Variants in NOX4 observed in about 807,000 individuals in gnomAD.
NOX4 encodes NADPH oxidase 4, also known as kidney oxidase-1.
NOX4 carries 69 observed loss-of-function variants against 87.6 expected under a neutral mutation model. The observed-to-expected ratio is 0.79, with a 90% CI of 0.65 to 0.96. The LOEUF is 0.96. Ranked by LOEUF, NOX4 falls within the 40% of genes least tolerant of loss-of-function variation. NOX4 has a pLI of 0.00. For missense variants in NOX4, 680 were observed against 681.5 expected (o/e 1.00, Z 0.02); for synonymous variants, 275 against 238.2 (o/e 1.15, Z -1.42).
At chr11:89,567,346 A>G in the NOX4 span, among the ~76,000 whole-genome samples, 2 of 152,150 alleles carry the variant, frequency 1.3e-5, no homozygotes, top group Non-Finnish European at 2.9e-5. Flanking sequence ...TTTGCCCCCA[A>G]GCACCTGCCT....
At chr11:89,334,345 T>C in intron 17 of NOX4, among the ~76,000 whole-genome samples, 1 of 151,734 alleles carries the variant, frequency 6.6e-6, no homozygotes, top group Middle Eastern at 3.2e-3. Context: ...TACAAAAAAG[T>C]TCTGCTTTGT....
chr11:89,476,207 C>A (rs889873465), intron 2 of NOX4, among the ~76,000 whole-genome samples: 2 of 152,044 alleles, frequency 1.3e-5, no homozygotes, highest in Admixed American at 1.3e-4. Flanking sequence ...TGCACCTATC[C>A]TTTTAATGTT....
the NOX4 span, among the ~76,000 whole-genome samples, chr11:89,509,324 T>C: frequency 6.6e-6 from 1 of 152,048 alleles, no homozygotes; most frequent in African/African-American, 2.4e-5. Context: ...TTGACTTCAT[T>C]GGAACAAAAG....
At chr11:89,441,090 C>T (rs993795165) in intron 5 of NOX4, among the ~76,000 whole-genome samples, 1 of 152,106 alleles carries the variant, frequency 6.6e-6, no homozygotes, top group African/African-American at 2.4e-5. Flanking sequence ...TCTACCAAAA[C>T]CGTGAAACTG....
chr11:89,382,521 AT>A (rs917809276), intron 11 of NOX4, among the ~76,000 whole-genome samples: 4 of 151,920 alleles, frequency 2.6e-5, no homozygotes, highest in Non-Finnish European at 5.9e-5. Context: ...AATGCGACTC[AT>A]CCCAAATCCT....
chr11:89,569,774 C>A, the NOX4 span, among the ~76,000 whole-genome samples: 5 of 151,884 alleles, frequency 3.3e-5, no homozygotes, highest in African/African-American at 9.7e-5. Context: ...GAGGCTGAGG[C>A]GGGCGGATCA....
At chr11:89,398,461 G>T (rs918166693) in intron 11 of NOX4, among the ~76,000 whole-genome samples, 1 of 151,810 alleles carries the variant, frequency 6.6e-6, no homozygotes, top group African/African-American at 2.4e-5. Context: ...TGGAAGTTCT[G>T]GCCAGGGCAA....
chr11:89,526,020 T>C, the NOX4 span, among the ~76,000 whole-genome samples: 2 of 152,146 alleles, frequency 1.3e-5, no homozygotes, highest in East Asian at 1.9e-4. Flanking sequence ...TAACCATATA[T>C]ACGTGAGTCT....
chr11:89,374,117 A>G (rs1236099810), intron 11 of NOX4, among the ~76,000 whole-genome samples: 1 of 152,136 alleles, frequency 6.6e-6, no homozygotes, highest in Admixed American at 6.6e-5. Flanking sequence ...AGGTAGTCAA[A>G]ATGAAAGAAC....
At chr11:89,491,755 CACACACACACAA>C (rs563071967), upstream of NOX4, among the ~76,000 whole-genome samples, 1,664 of 147,710 alleles carry the variant, frequency 0.011, 17 homozygotes, top group Non-Finnish European at 0.015. Context: ...CACACACACA[CACACACACACAA>C]GAAGACACAG....
chr11:89,514,056 A>G, the NOX4 span, among the ~76,000 whole-genome samples: 1 of 152,058 alleles, frequency 6.6e-6, no homozygotes, highest in Non-Finnish European at 1.5e-5. Context: ...CCAGTATATG[A>G]TATTCTATTA....
At chr11:89,534,970 A>G in the NOX4 span, among the ~76,000 whole-genome samples, 2 of 152,238 alleles carry the variant, frequency 1.3e-5, no homozygotes, top group East Asian at 3.8e-4. Flanking sequence ...CCGCAATTTT[A>G]AAGCCTTGAA....
the NOX4 span, among the ~76,000 whole-genome samples, chr11:89,550,788 T>C: frequency 6.6e-6 from 1 of 152,202 alleles, no homozygotes; most frequent in South Asian, 2.1e-4. Flanking sequence ...CAGAAGCTCT[T>C]TAGTTTAATT....
At chr11:89,536,553 G>C in the NOX4 span, among the ~76,000 whole-genome samples, 1 of 152,110 alleles carries the variant, frequency 6.6e-6, no homozygotes, top group Non-Finnish European at 1.5e-5. Context: ...GAATTAAATT[G>C]ATTTATATGT....
At chr11:89,522,823 A>G in the NOX4 span, among the ~76,000 whole-genome samples, 1 of 152,142 alleles carries the variant, frequency 6.6e-6, no homozygotes, top group South Asian at 2.1e-4. Context: ...AGTACTTCCC[A>G]GGCAACCACA....
the NOX4 span, among the ~76,000 whole-genome samples, chr11:89,584,382 C>T: frequency 0.26 from 38,872 of 152,038 alleles, 5,728 homozygotes; most frequent in Middle Eastern, 0.38. Flanking sequence ...ACATGCATGA[C>T]ATTTTTACCA....
chr11:89,545,249 G>A, the NOX4 span: 1 of 152,172 alleles, frequency 6.6e-6, no homozygotes, highest in East Asian at 1.9e-4. Flanking sequence ...CTTTGACTAC[G>A]ATTGTGAAAA....
intron 4 of NOX4, among the ~76,000 whole-genome samples, chr11:89,448,110 A>T (rs1264938898): frequency 2.0e-5 from 3 of 152,196 alleles, no homozygotes; most frequent in African/African-American, 7.2e-5. Context: ...TAACCCTTGC[A>T]ACTGTAAATT....
At chr11:89,412,371 T>C (rs1942525035) in intron 8 of NOX4, among the ~76,000 whole-genome samples, 1 of 152,150 alleles carries the variant, frequency 6.6e-6, no homozygotes, top group Admixed American at 6.6e-5. Context: ...ACACAGATTC[T>C]TCTCCTCAGC....
Sources: allele counts gnomAD v4.1 joint callset (sites outside exome capture counted in the v4.1 genomes callset), GRCh38; gene constraint gnomAD v4.1.1; transcripts MANE v1.5; gene names NCBI Gene and HGNC (gene_info 2026-07-23, HGNC 2026-07-21).